Variants in CPEB4 observed in about 807,000 individuals in gnomAD.
CPEB4 encodes the protein cytoplasmic polyadenylation element binding protein 4.
Under a neutral mutation model 72.5 loss-of-function variants are expected in CPEB4, and 12 were observed. The ratio of observed to expected loss-of-function variants is 0.17; its 90% confidence interval spans 0.11 to 0.27. The LOEUF is 0.27. Ranked by LOEUF, CPEB4 falls within the 10% of genes least tolerant of loss-of-function variation. CPEB4 has a pLI of 1.00. For missense variants in CPEB4, 614 were observed against 908.5 expected (o/e 0.68, Z 4.17); for synonymous variants, 302 against 326.3 (o/e 0.93, Z 0.80).
chr5:173,902,827 G>T (rs1357292715), intron 1 of CPEB4, among the ~76,000 whole-genome samples: 1 of 152,190 alleles, frequency 6.6e-6, no homozygotes, highest in Non-Finnish European at 1.5e-5. Context: ...TAAAATCTGA[G>T]ATCATGCTGT....
At chr5:173,929,706 AAAT>A (rs776751912) in intron 2 of CPEB4, among the ~76,000 whole-genome samples, 3 of 152,038 alleles carry the variant, frequency 2.0e-5, no homozygotes, top group Admixed American at 1.3e-4. Context: ...TCAAAAATTA[AAAT>A]AATAATAATA....
Position 173,956,121 on chromosome 5 carries a change from C to A in CPEB4, c.2174C>A (p.Ser725Ter). Residue 725 changes from serine to a stop codon, truncating the protein, a stop_gained, in exon 10 of 10, where the codon TCA becomes TAA. Coordinates refer to ENST00000265085, the MANE Select transcript of CPEB4 (RefSeq NM_030627.4). LOFTEE classifies it high-confidence loss of function. ...KEGGDRPRHI[S>*]FRWN ...GGCGGTGACCGCCCTCGGCATATTT[C>A]ATTCCGCTGGAACTAAAGGATAACT... The A allele has an allele frequency of 6.2e-7, 1 of 1,613,998 alleles. No homozygotes were observed. Among genetic ancestry groups the A allele is most frequent in the Non-Finnish European group, 8.5e-7 (1 of 1,179,882 alleles).
chr5:173,952,500 G>A lies in CPEB4; in HGVS notation c.1780+562G>A, dbSNP rs186855212. ...ATTTGAGGTTTAATAATATACATGAGATAAAAAGACATAACATGAACAGGA... is the reference window on the plus strand; with the variant it reads ...ATTTGAGGTTTAATAATATACATGAAATAAAAAGACATAACATGAACAGGA... On this transcript the variant is annotated intron_variant, in intron 8 of 9. Coordinates refer to ENST00000265085, the MANE Select transcript of CPEB4 (RefSeq NM_030627.4). 8.5e-5 allele frequency among the ~76,000 whole-genome samples: 13 copies of A among 152,158 alleles called. No individual in the cohort carries two copies. In the East Asian group the frequency reaches 2.1e-3, roughly 25 times the overall value.
intron 2 of CPEB4, among the ~76,000 whole-genome samples, chr5:173,915,110 T>G (rs1350540008): frequency 1.3e-5 from 2 of 152,148 alleles, no homozygotes; most frequent in Non-Finnish European, 2.9e-5. Context: ...AAAATTCCCT[T>G]ACTGTAATGC....
chr5:173,916,124 T>C (rs1352003985), intron 2 of CPEB4, among the ~76,000 whole-genome samples: 1 of 152,236 alleles, frequency 6.6e-6, no homozygotes, highest in African/African-American at 2.4e-5. Context: ...GCAAAATTAT[T>C]GAGAGAACAA....
chr5:173,889,940 CAT>C lies in CPEB4; in HGVS notation c.208_209del (p.Ile70SerfsTer3). 1 of 1,614,158 alleles carries C rather than the reference CAT, an allele frequency of 6.2e-7. No homozygotes were observed. Among genetic ancestry groups the C allele is most frequent in the East Asian group, 2.2e-5 (1 of 44,880 alleles). ...TTTTTCCTGCTCCAGCTACCCATAA[CAT>C]TCAGGATGAGATCTTGGGGTCAGAA... ...WLFPAPATHN[I>X]QDEILGSEKA... is the part of the protein sequence containing the mutation. On this transcript the variant is annotated frameshift_variant, in exon 1 of 10. Transcript: ENST00000265085. LOFTEE classifies it high-confidence loss of function.
Position 173,959,517 on chromosome 5 carries a change from T to C in CPEB4, c.*3380T>C, listed in dbSNP as rs1758482915. 6.5e-6 allele frequency: 1 copy of C among 152,804 alleles called. No homozygotes were observed. The highest frequency in any genetic ancestry group is 2.1e-4 in the South Asian group (1 of 4,838). The allele number at this position is 152,804 out of a possible 1,614,324, so 9.5% of individuals were successfully genotyped here. ...CTTGAATGTGATGAATTGTGGCAAG[T>C]TAACTTCAAGTTATGTGCAATACTT... On this transcript the variant is annotated 3_prime_UTR_variant, in exon 10 of 10. Transcript: ENST00000265085.
intron 5 of CPEB4, among the ~76,000 whole-genome samples, chr5:173,945,946 T>C (rs1476481053): frequency 2.0e-5 from 3 of 152,228 alleles, no homozygotes; most frequent in Admixed American, 1.3e-4. Flanking sequence ...TTTGGTTGCT[T>C]TCCTAATTTC....
intron 3 of CPEB4, among the ~76,000 whole-genome samples, 160 bp from the exon 4 acceptor site, chr5:173,942,866 C>T (rs767152909): frequency 2.6e-5 from 4 of 152,114 alleles, no homozygotes; most frequent in South Asian, 2.1e-4. Context: ...TCTTACCTCC[C>T]GTTCCTTGTT....
At position 173,889,541 on chromosome 5, in the gene CPEB4, T is replaced by G. The variant is rs1755727980; in HGVS notation, c.-193T>G. On this transcript the variant is annotated 5_prime_UTR_variant, in exon 1 of 10. Coordinates refer to ENST00000265085, the MANE Select transcript of CPEB4 (RefSeq NM_030627.4). ...TGTTTTAAGAGATTTTTTTAAGAGT[T>G]GTTTTTTCTTTCAGAGACCAGAATT... 1 of 479,240 alleles carries G rather than the reference T, an allele frequency of 2.1e-6. No homozygotes were observed. The highest frequency in any genetic ancestry group is 3.7e-6 in the Non-Finnish European group (1 of 269,456). The allele number at this position is 479,240 out of a possible 1,614,324, so 29.7% of individuals were successfully genotyped here.
intron 5 of CPEB4, among the ~76,000 whole-genome samples, chr5:173,948,976 G>T (rs1758128140): frequency 6.6e-6 from 1 of 152,014 alleles, no homozygotes; most frequent in African/African-American, 2.4e-5. Context: ...ATAAACATTT[G>T]GACCGTAGCA....
chr5:173,946,536 T>C (rs544458751), intron 5 of CPEB4, among the ~76,000 whole-genome samples: 1 of 152,194 alleles, frequency 6.6e-6, no homozygotes, highest in Non-Finnish European at 1.5e-5. Context: ...CTTGCAAGCA[T>C]GGAGAAAATG....
intron 8 of CPEB4, among the ~76,000 whole-genome samples, 179 bp downstream of exon 8, chr5:173,952,117 CT>C (rs1758234453): frequency 6.6e-6 from 1 of 152,128 alleles, no homozygotes; most frequent in Admixed American, 6.5e-5. Flanking sequence ...AATTCCATGA[CT>C]TTTCTAATTC....
At chr5:173,911,452 C>T (rs993235726) in intron 2 of CPEB4, among the ~76,000 whole-genome samples, 3 of 151,920 alleles carry the variant, frequency 2.0e-5, no homozygotes, top group African/African-American at 4.8e-5. Flanking sequence ...TTAGTAGAGA[C>T]GGGGTTTCAC....
intron 1 of CPEB4, among the ~76,000 whole-genome samples, chr5:173,903,060 G>GAA (rs201826621): frequency 1.7e-5 from 2 of 120,822 alleles, no homozygotes; most frequent in African/African-American, 6.6e-5. Flanking sequence ...GTAGCTGAAT[G>GAA]AAAAAAAAAA....
Position 173,900,003 on chromosome 5 carries a change from A to G in CPEB4, c.1125+9145A>G, listed in dbSNP as rs1269468457. On this transcript the variant is annotated intron_variant, in intron 1 of 9. Coordinates refer to ENST00000265085, the MANE Select transcript of CPEB4 (RefSeq NM_030627.4). This position sits in a 1 kb window ranked among gnomAD's most constrained non-coding sequence, Gnocchi z 4.4. ...TGGATGGGGGTCGGGGGGTGTTGTG[A>G]GAGTCTGGAAATGTGGAGGCTGGGC... is the stretch of plus-strand genomic sequence containing the variant. Among the ~76,000 whole-genome samples the G allele has an allele frequency of 6.6e-6, 1 of 151,946 alleles. No individual in the cohort carries two copies. Among genetic ancestry groups the G allele is most frequent in the African/African-American group, 2.4e-5 (1 of 41,342 alleles).
In CPEB4 at chr5:173,890,685, C is replaced by T. The variant is rs1456663141; in HGVS notation, c.952C>T (p.Arg318Cys). The change falls in exon 1 of 10, where the codon CGC becomes TGC. Residue 318 changes from arginine (R) to cysteine (C), a missense_variant. Physicochemically the swap from Arg to Cys is radical, Grantham distance 180. This residue lies in a region of CPEB4 where 458 missense variants were observed against 548.6 expected (regional missense o/e 0.83). Coordinates refer to ENST00000265085, the MANE Select transcript of CPEB4 (RefSeq NM_030627.4). The stretch of plus-strand genomic sequence containing the variant: ...GGGAGGTTCCCAAGGCCGAGATCAC[C>T]GCAGAGGGCTGAATGGTGGAATAAC... ...GWGGSQGRDH[R>C]RGLNGGITPL... 2.5e-6 allele frequency: 4 copies of T among 1,614,190 alleles called. No homozygotes were observed. Among genetic ancestry groups the T allele is most frequent in the South Asian group, 1.1e-5 (1 of 91,088 alleles).
Position 173,893,014 on chromosome 5 carries a change from T to TGC in CPEB4, c.1125+2157_1125+2158insCG, listed in dbSNP as rs1366643071. The TGC allele has an allele frequency of 4.9e-5, 7 of 142,962 alleles. No homozygotes were observed. The East Asian group carries it at 1.4e-3, about 29-fold the overall frequency. 8.9% of individuals were successfully genotyped at this position (142,962 alleles called of 1,614,324 possible). On this transcript the variant is annotated intron_variant, in intron 1 of 9. Transcript: ENST00000265085. ...TTGTAGCTCTGTGTGTGTGTGTGTG[T>TGC]GTGTGTGTGTGTGTGTGTGTGTGAG...
rs984822975 is a variant in CPEB4, at chr5:173,955,722, A to G, written c.1963-188A>G. On this transcript the variant is annotated intron_variant, in intron 9 of 9. Coordinates refer to ENST00000265085, the MANE Select transcript of CPEB4 (RefSeq NM_030627.4). The surrounding 1 kb of genome is among the most constrained non-coding windows in gnomAD (Gnocchi z 4.7). ...TTTAATAAGAAAAAAATGTAAAATG[A>G]TAGATAATAAAAGCCTTACTAGGTT... Among the ~76,000 whole-genome samples the G allele has an allele frequency of 1.3e-5, 2 of 152,192 alleles. No individual in the cohort carries two copies. Among genetic ancestry groups the G allele is most frequent in the African/African-American group, 4.8e-5 (2 of 41,438 alleles).
Sources: allele counts gnomAD v4.1 joint callset (sites outside exome capture counted in the v4.1 genomes callset), GRCh38; gene constraint gnomAD v4.1.1; regional missense constraint gnomAD v4.1.1; non-coding constraint Gnocchi (gnomAD v3.1); transcripts MANE v1.5; gene names NCBI Gene and HGNC (gene_info 2026-07-23, HGNC 2026-07-21).